Variants in FAM149A observed in about 807,000 individuals in gnomAD.
FAM149A encodes protein FAM149A.
In FAM149A, 71 loss-of-function variants were observed where a neutral mutation model predicts 78.2. That is an observed-to-expected ratio of 0.91 (90% confidence interval 0.75 to 1.11). The LOEUF (loss-of-function observed/expected upper bound fraction) is 1.11, where lower values mean the gene tolerates loss of function less well. Ranked by LOEUF, FAM149A falls within the 50% of genes least tolerant of loss-of-function variation. The probability of loss-of-function intolerance (pLI) is 0.00; values close to 1 mark genes in which losing one functional copy is unlikely to be tolerated. For synonymous variants in FAM149A, 446 were observed against 410.5 expected (o/e 1.09, Z -1.04); for missense variants, 1,036 against 971.0 (o/e 1.07, Z -0.89).
In FAM149A at chr4:186,105,283, G is replaced by T; in HGVS notation, c.207G>T (p.Ser69=). The T allele has an allele frequency of 8.4e-7, 1 of 1,190,230 alleles. No homozygotes were observed. The highest frequency in any genetic ancestry group is 1.1e-6 in the Non-Finnish European group (1 of 948,530). 73.7% of individuals were successfully genotyped at this position (1,190,230 alleles called of 1,614,324 possible). A position where few individuals can be genotyped will look rare whatever the true frequency, so the allele number is the denominator to read the frequency against. The change falls in exon 1 of 14, where the codon TCG becomes TCT. Residue 69 remains serine (S), a synonymous_variant. Transcript: ENST00000389354. ...ACTCCCCCTCCGCCTCGCGGCGGTC[G>T]CCCGCCCCGCTGCTCTCCTCCCCCT... is the stretch of plus-strand genomic sequence containing the variant.
intron 8 of FAM149A, among the ~76,000 whole-genome samples, chr4:186,160,157 ACG>A (rs541593030): frequency 9.7e-4 from 136 of 139,598 alleles, no homozygotes; most frequent in African/African-American, 3.1e-3. Flanking sequence ...CACACACTAC[ACG>A]CACACACACC....
At position 186,171,670 on chromosome 4, in the gene FAM149A, T is replaced by C. The variant is rs115204290; in HGVS notation, c.2219-244T>C. On this transcript the variant is annotated intron_variant, in intron 13 of 13. Coordinates refer to ENST00000389354, the MANE Select transcript of FAM149A (RefSeq NM_001367768.3). ...CCCGCCTCTGCATGGAAGCTTCTCG[T>C]GAATCCACCAGCTCGGGAGGACGCG... Among the ~76,000 whole-genome samples the C allele has an allele frequency of 1.0e-2, 1,520 of 152,320 alleles. 27 individuals are homozygous for C. The highest frequency in any genetic ancestry group is 0.034 in the African/African-American group (1,424 of 41,560).
At chr4:186,152,101 G>T in intron 4 of FAM149A, 56 bp downstream of exon 4, 1 of 1,553,128 alleles carries the variant, frequency 6.4e-7, no homozygotes, top group South Asian at 1.1e-5. Flanking sequence ...ACCCACCCCT[G>T]ACCTGCCTCG....
chr4:186,163,472 C>T lies in FAM149A; in HGVS notation c.1728C>T (p.Ser576=). 1 of 1,614,050 alleles carries T rather than the reference C, an allele frequency of 6.2e-7. No homozygotes were observed. Among genetic ancestry groups the T allele is most frequent in the Non-Finnish European group, 8.5e-7 (1 of 1,180,020 alleles). ...CGGGTGGAGGGGCAGGTGCTCTCTC[C>T]TCCGCACCGCACAGACTGGGACGGG... Residue 576 remains serine, a synonymous_variant, in exon 10 of 14, where the codon TCC becomes TCT. Transcript: ENST00000389354.
rs896746961 is a variant in FAM149A at position 186,116,437 on chromosome 4, A to G, written c.566+10795A>G. The G allele has an allele frequency of 6.1e-6, 6 of 983,134 alleles. No individual in the cohort carries two copies. The South Asian group carries it at 1.9e-4, about 31-fold the overall frequency. 60.9% of individuals were successfully genotyped at this position (983,134 alleles called of 1,614,324 possible). A position where few individuals can be genotyped will look rare whatever the true frequency, so the allele number is the denominator to read the frequency against. On this transcript the variant is annotated intron_variant, in intron 1 of 13. Coordinates refer to ENST00000389354, the MANE Select transcript of FAM149A (RefSeq NM_001367768.3). ...TCCTCCCTCATGACCGTTACTTTCTATTACAGTCATATGACCATTACTGTC... is the reference window on the plus strand; with the variant it reads ...TCCTCCCTCATGACCGTTACTTTCTGTTACAGTCATATGACCATTACTGTC...
chr4:186,127,656 G>C, intron 1 of FAM149A: 1 of 985,368 alleles, frequency 1.0e-6, no homozygotes, highest in Non-Finnish European at 1.2e-6. Context: ...GGGAATGTGT[G>C]TGAAAGAGGT....
chr4:186,108,272 A>G (rs1451887479), intron 1 of FAM149A, among the ~76,000 whole-genome samples: 1 of 152,202 alleles, frequency 6.6e-6, no homozygotes, highest in African/African-American at 2.4e-5. Flanking sequence ...ATATAAAGGA[A>G]ACCGTAAACC....
intron 13 of FAM149A, among the ~76,000 whole-genome samples, chr4:186,170,148 C>T (rs1735402712): frequency 6.6e-6 from 1 of 152,192 alleles, no homozygotes; most frequent in Non-Finnish European, 1.5e-5. Context: ...AGGGCCTGTG[C>T]AGTCCGGAAG....
intron 13 of FAM149A, chr4:186,169,681 G>A (rs1480789776): frequency 2.0e-6 from 2 of 985,302 alleles, no homozygotes; most frequent in African/African-American, 3.5e-5. Flanking sequence ...ATCACTCACT[G>A]CTTTCTGGAA....
chr4:186,120,411 T>G (rs2099315473), intron 1 of FAM149A, among the ~76,000 whole-genome samples: 1 of 152,148 alleles, frequency 6.6e-6, no homozygotes, highest in African/African-American at 2.4e-5. Context: ...TAATGAGGAT[T>G]AAAATCTACT....
chr4:186,171,289 A>C (rs1397494649), intron 13 of FAM149A: 1 of 152,230 alleles, frequency 6.6e-6, no homozygotes, highest in East Asian at 1.9e-4. Flanking sequence ...GCTTCAGAGG[A>C]TGAGCTCTTA....
rs142759153 is a variant in FAM149A, at chr4:186,110,197, A to G, written c.566+4555A>G. 38 of 985,356 alleles carry G rather than the reference A, an allele frequency of 3.9e-5. No homozygotes were observed. In the East Asian group the frequency reaches 4.0e-3, roughly 103 times the overall value. The allele number at this position is 985,356 out of a possible 1,614,324, so 61.0% of individuals were successfully genotyped here. Reference sequence around the variant, plus strand: ...AAATATTTTCTTCCTCATATAATCCACTGTCATGGGTTTCTAATCTTACAA... The same window carrying G: ...AAATATTTTCTTCCTCATATAATCCGCTGTCATGGGTTTCTAATCTTACAA... On this transcript the variant is annotated intron_variant, in intron 1 of 13. Coordinates refer to ENST00000389354, the MANE Select transcript of FAM149A (RefSeq NM_001367768.3).
At position 186,104,761 on chromosome 4, in the gene FAM149A, CGGCGGGCGTCTGG is replaced by C. The variant is rs1420928839; in HGVS notation, c.-307_-295del. Among the ~76,000 whole-genome samples the C allele has an allele frequency of 2.4e-4, 33 of 139,212 alleles. No homozygotes were observed. The highest frequency in any genetic ancestry group is 2.7e-4 in the Non-Finnish European group (17 of 61,862). 91.3% of individuals were successfully genotyped at this position (139,212 alleles called of 152,430 possible). On this transcript the variant is annotated 5_prime_UTR_variant, in exon 1 of 14. Coordinates refer to ENST00000389354, the MANE Select transcript of FAM149A (RefSeq NM_001367768.3). The stretch of plus-strand genomic sequence containing the variant: ...GCAACCGCGGGCGGCGGGCGGCGGG[CGGCGGGCGTCTGG>C]GGCGGGCGGCGGCCGCGCTTCCCGG...
intron 8 of FAM149A, 73 bp downstream of exon 8, chr4:186,157,792 A>G (rs1734177103): frequency 6.4e-7 from 1 of 1,565,782 alleles, no homozygotes; most frequent in South Asian, 1.2e-5. Context: ...TCGTTCTGTT[A>G]AACTGCAGTA....
chr4:186,150,364 TG>T lies in FAM149A; in HGVS notation c.789+661del, dbSNP rs1262742869. ...ACCTCGTTTATGCTGGGTGTTTTGT[TG>T]TTGTTGTTGTTGTTTTTTGCTTGCT... On this transcript the variant is annotated intron_variant, in intron 3 of 13. Coordinates refer to ENST00000389354, the MANE Select transcript of FAM149A (RefSeq NM_001367768.3). Among the ~76,000 whole-genome samples the T allele has an allele frequency of 4.9e-4, 71 of 145,996 alleles. No homozygotes were observed. In the East Asian group the frequency reaches 6.6e-3, roughly 14 times the overall value.
chr4:186,164,373 G>A lies in FAM149A; in HGVS notation c.1889+740G>A, dbSNP rs1734848987. ...GAGGCCCAGCCGGACACACCCACAA[G>A]TGCTCTCAGGCTTTAGAGACCACCC... On this transcript the variant is annotated intron_variant, in intron 10 of 13. Coordinates refer to ENST00000389354, the MANE Select transcript of FAM149A (RefSeq NM_001367768.3). This position sits in a 1 kb window ranked among gnomAD's most constrained non-coding sequence, Gnocchi z 4.0. The A allele has an allele frequency of 1.5e-6, 1 of 668,718 alleles. No homozygotes were observed. The highest frequency in any genetic ancestry group is 2.0e-5 in the African/African-American group (1 of 50,708). The allele number at this position is 668,718 out of a possible 1,614,324, so 41.4% of individuals were successfully genotyped here.
chr4:186,174,514 T>G lies in FAM149A; in HGVS notation c.*2527T>G, dbSNP rs547364550. ...TATCCAAGATAAAATGTTTTTTCTT[T>G]GAAAACCACTGAATATACTTTATGG... On this transcript the variant is annotated 3_prime_UTR_variant, in exon 14 of 14. Transcript: ENST00000389354. Among the ~76,000 whole-genome samples the G allele has an allele frequency of 4.5e-5, 5 of 111,954 alleles. 2 individuals are homozygous for G. The highest frequency in any genetic ancestry group is 1.4e-4 in the African/African-American group (5 of 35,810). 73.4% of individuals were successfully genotyped at this position (111,954 alleles called of 152,430 possible).
chr4:186,163,674 G>A (rs752818529), intron 10 of FAM149A, 41 bp downstream of exon 10: 46 of 1,437,884 alleles, frequency 3.2e-5, no homozygotes, highest in Non-Finnish European at 4.3e-5. Context: ...AGGCCACGGA[G>A]GACCTAGATG....
chr4:186,154,354 G>T, intron 5 of FAM149A, 114 bp from the exon 6 acceptor site: 1 of 829,774 alleles, frequency 1.2e-6, no homozygotes, highest in Non-Finnish European at 1.8e-6. Flanking sequence ...CAACCGTTTT[G>T]GGAGGGGGGG....
Sources: allele counts gnomAD v4.1 joint callset (sites outside exome capture counted in the v4.1 genomes callset), GRCh38; gene constraint gnomAD v4.1.1; non-coding constraint Gnocchi (gnomAD v3.1); transcripts MANE v1.5; gene names NCBI Gene and HGNC (gene_info 2026-07-23, HGNC 2026-07-21).